SEPTIN9: variants seen among roughly 807,000 people sequenced by gnomAD.
SEPTIN9 encodes the protein septin-9.
SEPTIN9 carries 13 observed loss-of-function variants against 56.6 expected under a neutral mutation model. The observed-to-expected ratio is 0.23, with a 90% confidence interval of 0.15 to 0.37. The LOEUF is 0.37. SEPTIN9 is among the 10% of genes least tolerant of loss of function. The pLI is 1.00. For missense variants in SEPTIN9, 650 were observed against 823.1 expected, an observed-to-expected ratio of 0.79 and a Z score of 2.57; for synonymous variants, 332 against 334.1, an observed-to-expected ratio of 0.99 and a Z score of 0.07.
intron 3 of SEPTIN9, among the ~76,000 whole-genome samples, chr17:77,457,094 G>A (rs953798973): frequency 2.6e-5 from 4 of 152,178 alleles, no homozygotes; most frequent in Admixed American, 1.3e-4. Flanking sequence ...CTTTGCCCCC[G>A]GGGCTGTGTG....
chr17:77,459,585 T>C (rs2038368122), intron 3 of SEPTIN9, among the ~76,000 whole-genome samples: 1 of 152,202 alleles, frequency 6.6e-6, no homozygotes, highest in Admixed American at 6.5e-5. Flanking sequence ...GACTCACGGT[T>C]CTGCAGGCTG....
At chr17:77,394,229 G>T (rs1200353928) in intron 2 of SEPTIN9, among the ~76,000 whole-genome samples, 2 of 152,202 alleles carry the variant, frequency 1.3e-5, no homozygotes, top group African/African-American at 2.4e-5. Context: ...CCAAGGTCCA[G>T]TGTCACAGGA....
chr17:77,284,775 A>G (rs1411563256), intron 1 of SEPTIN9, among the ~76,000 whole-genome samples: 1 of 152,102 alleles, frequency 6.6e-6, no homozygotes, highest in Admixed American at 6.5e-5. Flanking sequence ...GATTGTAGGA[A>G]CGTGCCACTG....
In SEPTIN9 at chr17:77,371,321, G is replaced by A. The variant is rs565044466; in HGVS notation, c.77-30738G>A. Among the ~76,000 whole-genome samples, 6 of 152,314 alleles carry A rather than the reference G, an allele frequency of 3.9e-5. No homozygotes were observed. Among genetic ancestry groups the A allele is most frequent in the Admixed American group, 1.3e-4 (2 of 15,300 alleles). ...ATTTTGGTGAGGCGTGCACCCTGGC[G>A]GCGCTCCCCAGGGAACTAAATATGT... On this transcript the variant is annotated intron_variant, in intron 2 of 11. Coordinates refer to ENST00000427177, the MANE Select transcript of SEPTIN9 (RefSeq NM_001113491.2). This position sits in a 1 kb window ranked among gnomAD's most constrained non-coding sequence, Gnocchi z 4.1.
intron 3 of SEPTIN9, among the ~76,000 whole-genome samples, chr17:77,458,223 G>A (rs547876540): frequency 6.6e-6 from 1 of 152,170 alleles, no homozygotes; most frequent in African/African-American, 2.4e-5. Context: ...AGCAGACCCC[G>A]TGCACAGCCC....
At chr17:77,349,296 T>C (rs890523617) in intron 2 of SEPTIN9, among the ~76,000 whole-genome samples, 8 of 152,116 alleles carry the variant, frequency 5.3e-5, no homozygotes, top group Non-Finnish European at 1.2e-4. Flanking sequence ...TTTGTATTTT[T>C]AGTAGAGATG....
At position 77,402,381 on chromosome 17, in the gene SEPTIN9, G is replaced by A; in HGVS notation, c.399G>A (p.Lys133=). 1.9e-6 allele frequency: 3 copies of A among 1,611,876 alleles called. No individual in the cohort carries two copies. The highest frequency in any genetic ancestry group is 2.7e-5 in the African/African-American group (2 of 75,040). ...GAIGPSRFGL[K]RAEVLGHKTP... ...TCGGCCCGTCCCGGTTCGGGCTCAA[G>A]AGGGCCGAGGTGTTGGGCCACAAGA... Residue 133 remains lysine (K), a synonymous_variant, in exon 3 of 12, where the codon AAG becomes AAA. Coordinates refer to ENST00000427177, the MANE Select transcript of SEPTIN9 (RefSeq NM_001113491.2). The surrounding 1 kb of genome is among the most constrained non-coding windows in gnomAD (Gnocchi z 6.6).
intron 1 of SEPTIN9, among the ~76,000 whole-genome samples, chr17:77,301,961 C>T (rs2032072772): frequency 6.6e-6 from 1 of 152,120 alleles, no homozygotes; most frequent in Non-Finnish European, 1.5e-5. Flanking sequence ...CTGGTCTATT[C>T]GAGCCCACAG....
At chr17:77,419,696 TTAGCGGATGCTGA>T (rs1385886969) in intron 3 of SEPTIN9, 8 of 152,522 alleles carry the variant, frequency 5.2e-5, no homozygotes, top group African/African-American at 1.9e-4. Flanking sequence ...TGACTGACGC[TTAGCGGATGCTGA>T]TAGGAGAGGG....
At chr17:77,474,533 G>C (rs535842305) in intron 3 of SEPTIN9, among the ~76,000 whole-genome samples, 302 of 152,312 alleles carry the variant, frequency 2.0e-3, no homozygotes, top group African/African-American at 7.1e-3. Flanking sequence ...CCAGCTCCCT[G>C]GGGGAGAGCA....
rs2037337441 is a variant in SEPTIN9, at chr17:77,436,355, G to C, written c.721+33652G>C. On this transcript the variant is annotated intron_variant, in intron 3 of 11. Coordinates refer to ENST00000427177, the MANE Select transcript of SEPTIN9 (RefSeq NM_001113491.2). This position sits in a 1 kb window ranked among gnomAD's most constrained non-coding sequence, Gnocchi z 4.4. ...CCGACTTCTGCAGCCCAGCTGTTCA[G>C]AGCGGATCCAGAAGGTGGAGAGAGG... is the stretch of plus-strand genomic sequence containing the variant. Among the ~76,000 whole-genome samples, 1 of 152,264 alleles carries C rather than the reference G, an allele frequency of 6.6e-6. No individual in the cohort carries two copies. The highest frequency in any genetic ancestry group is 1.5e-5 in the Non-Finnish European group (1 of 68,038).
Position 77,476,065 on chromosome 17 carries a change from G to T in SEPTIN9, c.722-6079G>T, listed in dbSNP as rs926994240. Among the ~76,000 whole-genome samples the T allele has an allele frequency of 3.9e-5, 6 of 152,174 alleles. No individual in the cohort carries two copies. In the South Asian group the frequency reaches 1.2e-3, roughly 32 times the overall value. On this transcript the variant is annotated intron_variant, in intron 3 of 11. Transcript: ENST00000427177. This position sits in a 1 kb window ranked among gnomAD's most constrained non-coding sequence, Gnocchi z 6.0. ...GAGCTGGGAATGGCATTGGGCGGTG[G>T]CTCAGGGTCCCTTGCCCCAGCGGCA... is the stretch of plus-strand genomic sequence containing the variant.
intron 3 of SEPTIN9, among the ~76,000 whole-genome samples, chr17:77,479,708 G>A (rs1319356200): frequency 1.4e-5 from 2 of 145,948 alleles, no homozygotes; most frequent in Non-Finnish European, 3.0e-5. Flanking sequence ...GGGCGTTGGG[G>A]GCGAGAAAGG....
chr17:77,307,178 T>G lies in SEPTIN9; in HGVS notation c.57T>G (p.Leu19=). The part of the protein sequence containing the change: ...TRTSSGRLRR[L]GDSSGPALKR... ...CCTCCAGTGGCCGGCTCCGGAGGCT[T>G]GGTGACTCCAGTGGCCCAGGTAGGT... Residue 19 remains leucine, a synonymous_variant, in exon 2 of 12, where the codon CTT becomes CTG. Coordinates refer to ENST00000427177, the MANE Select transcript of SEPTIN9 (RefSeq NM_001113491.2). The G allele has an allele frequency of 1.2e-6, 2 of 1,613,880 alleles. No homozygotes were observed. Among genetic ancestry groups the G allele is most frequent in the Non-Finnish European group, 1.7e-6 (2 of 1,179,858 alleles).
Position 77,496,827 on chromosome 17 carries a change from T to TAACACCACA in SEPTIN9, c.1574-488_1574-487insAACACCACA, listed in dbSNP as rs2040284968. On this transcript the variant is annotated intron_variant, in intron 10 of 11. Coordinates refer to ENST00000427177, the MANE Select transcript of SEPTIN9 (RefSeq NM_001113491.2). ...AGCGCACACAAGGTGGATGGGGCCGTGGGGGTAACACCCTGTGGGCCACAG... is the reference window on the plus strand; with the variant it reads ...AGCGCACACAAGGTGGATGGGGCCGTAACACCACAGGGGGTAACACCCTGTGGGCCACAG... 3.3e-5 allele frequency among the ~76,000 whole-genome samples: 5 copies of TAACACCACA among 152,336 alleles called. No individual in the cohort carries two copies. In the East Asian group the frequency reaches 7.7e-4, roughly 24 times the overall value.
intron 2 of SEPTIN9, among the ~76,000 whole-genome samples, chr17:77,342,232 A>G (rs2143763153): frequency 6.6e-6 from 1 of 152,358 alleles, no homozygotes; most frequent in East Asian, 1.9e-4. Flanking sequence ...GTGCCAGCAG[A>G]CTTACTTGAT....
intron 2 of SEPTIN9, among the ~76,000 whole-genome samples, chr17:77,366,198 CGGAA>C (rs766517636): frequency 4.6e-5 from 7 of 152,116 alleles, no homozygotes; most frequent in Non-Finnish European, 4.4e-5. Context: ...GCAGAGCTCC[CGGAA>C]GGGTCAGAGG....
chr17:77,309,953 C>T (rs1223836428), intron 2 of SEPTIN9, among the ~76,000 whole-genome samples: 1 of 151,720 alleles, frequency 6.6e-6, no homozygotes, highest in Non-Finnish European at 1.5e-5. Context: ...CTGTGCTGGG[C>T]AGTGGTGTGT....
chr17:77,287,923 G>A (rs1024598304), intron 1 of SEPTIN9: 116 of 1,043,394 alleles, frequency 1.1e-4, no homozygotes, highest in Non-Finnish European at 1.3e-4. Flanking sequence ...GCTGCCTGCT[G>A]TCTCTGGCAG....
Sources: allele counts gnomAD v4.1 joint callset (sites outside exome capture counted in the v4.1 genomes callset), GRCh38; gene constraint gnomAD v4.1.1; non-coding constraint Gnocchi (gnomAD v3.1); transcripts MANE v1.5; gene names NCBI Gene and HGNC (gene_info 2026-07-23, HGNC 2026-07-21).